PTPRD: variants seen among roughly 807,000 people sequenced by gnomAD.
The protein encoded by PTPRD is protein tyrosine phosphatase receptor type D, also known as receptor-type tyrosine-protein phosphatase delta.
Under a neutral mutation model 214.5 loss-of-function variants are expected in PTPRD, and 34 were observed. That is an observed-to-expected ratio of 0.16 (90% CI 0.12 to 0.21). The LOEUF (loss-of-function observed/expected upper bound fraction) is 0.21, where lower values mean the gene tolerates loss of function less well. Ranked by LOEUF, PTPRD falls within the 10% of genes least tolerant of loss-of-function variation. The pLI is 1.00. For synonymous variants in PTPRD, 1,128 were observed against 845.7 expected (o/e 1.33, Z -5.79); for missense variants, 2,545 against 2,398.7 (o/e 1.06, Z -1.27).
intron 2 of PTPRD, among the ~76,000 whole-genome samples, chr9:10,396,743 T>C (rs1354197544): frequency 1.3e-5 from 2 of 152,032 alleles, no homozygotes; most frequent in Admixed American, 6.6e-5. Context: ...TACATAACAA[T>C]TGCCTGTAAT....
chr9:8,742,212 T>C (rs888978866), intron 11 of PTPRD, among the ~76,000 whole-genome samples: 2 of 152,168 alleles, frequency 1.3e-5, no homozygotes, highest in South Asian at 2.1e-4. Flanking sequence ...CTAATAGTAA[T>C]GTATGATTTG....
At chr9:9,172,846 G>A (rs74367479) in intron 10 of PTPRD, among the ~76,000 whole-genome samples, 2,000 of 152,110 alleles carry the variant, frequency 0.013, 49 homozygotes, top group African/African-American at 0.046. Flanking sequence ...CCTGCACCTG[G>A]CACTGTTTTT....
chr9:10,434,529 C>G (rs1328298527), intron 2 of PTPRD, among the ~76,000 whole-genome samples: 2 of 151,824 alleles, frequency 1.3e-5, no homozygotes, highest in Non-Finnish European at 2.9e-5. Flanking sequence ...ATCAGACATT[C>G]TTTCTCTTAA....
chr9:9,838,171 T>A (rs1469324971), intron 5 of PTPRD, among the ~76,000 whole-genome samples: 11 of 152,076 alleles, frequency 7.2e-5, no homozygotes, highest in Non-Finnish European at 1.6e-4. Flanking sequence ...TCTATCATTG[T>A]TGGACATTTG....
chr9:9,057,231 T>C (rs563836137), intron 10 of PTPRD, among the ~76,000 whole-genome samples: 1 of 152,314 alleles, frequency 6.6e-6, no homozygotes, highest in East Asian at 1.9e-4. Context: ...ATTCAAAAGA[T>C]TACTCTGCCA....
chr9:9,374,954 T>A (rs2060402885), intron 9 of PTPRD, among the ~76,000 whole-genome samples: 1 of 152,200 alleles, frequency 6.6e-6, no homozygotes, highest in Non-Finnish European at 1.5e-5. Flanking sequence ...TATAAAAGAC[T>A]TTTTAAAGAA....
intron 37 of PTPRD, among the ~76,000 whole-genome samples, chr9:8,383,317 G>A (rs925739111): frequency 6.6e-6 from 1 of 152,184 alleles, no homozygotes. Context: ...AGGAGGAGGA[G>A]TGAGTGGTCA....
chr9:9,157,186 T>G (rs2099881953), intron 10 of PTPRD, among the ~76,000 whole-genome samples: 1 of 151,826 alleles, frequency 6.6e-6, no homozygotes, highest in South Asian at 2.1e-4. Context: ...AGACGAAATA[T>G]CTCAAATAAA....
intron 9 of PTPRD, among the ~76,000 whole-genome samples, chr9:9,351,523 T>C (rs1233073444): frequency 6.6e-6 from 1 of 152,000 alleles, no homozygotes; most frequent in Non-Finnish European, 1.5e-5. Flanking sequence ...CACGTGAACC[T>C]TCCTAGGTGG....
At chr9:8,911,664 G>A (rs1198924060) in intron 11 of PTPRD, among the ~76,000 whole-genome samples, 1 of 151,904 alleles carries the variant, frequency 6.6e-6, no homozygotes, top group Non-Finnish European at 1.5e-5. Flanking sequence ...TTTTTAAAAA[G>A]CAATAGGTGA....
At chr9:9,283,206 G>C (rs1005698688) in intron 9 of PTPRD, among the ~76,000 whole-genome samples, 5 of 151,442 alleles carry the variant, frequency 3.3e-5, no homozygotes, top group South Asian at 2.1e-4. Context: ...GTGAAGATGA[G>C]GTACAAAACT....
chr9:8,758,756 A>G (rs2094197090), intron 11 of PTPRD, among the ~76,000 whole-genome samples: 2 of 150,570 alleles, frequency 1.3e-5, no homozygotes, highest in African/African-American at 4.9e-5. Flanking sequence ...ATATTAGAAA[A>G]TAACCTTTTT....
intron 9 of PTPRD, among the ~76,000 whole-genome samples, chr9:9,332,349 T>G (rs1198922111): frequency 6.6e-6 from 1 of 151,970 alleles, no homozygotes; most frequent in Admixed American, 6.6e-5. Flanking sequence ...AAAAAATATT[T>G]ATCCCTCAGA....
At chr9:8,926,429 A>G (rs1006522213) in intron 11 of PTPRD, among the ~76,000 whole-genome samples, 9 of 152,178 alleles carry the variant, frequency 5.9e-5, no homozygotes, top group African/African-American at 2.2e-4. Context: ...AGTAAATTTT[A>G]TCTCGTAGAG....
chr9:9,645,319 G>C (rs927846962), intron 7 of PTPRD, among the ~76,000 whole-genome samples: 11 of 152,088 alleles, frequency 7.2e-5, no homozygotes, highest in African/African-American at 2.2e-4. Flanking sequence ...AGTTGCTCTA[G>C]AGACAAAATG....
rs542413425 is a variant in PTPRD at position 9,519,026 on chromosome 9, G to C, written c.-237+55706C>G. On this transcript the variant is annotated intron_variant, in intron 8 of 45. Coordinates refer to ENST00000381196, the MANE Select transcript of PTPRD (RefSeq NM_002839.4). ...AGAATTGAAATAAAATATAATTACA[G>C]TATGTTAATCTAGATATAAATAGAC... is the stretch of plus-strand genomic sequence containing the variant. Among the ~76,000 whole-genome samples the C allele has an allele frequency of 3.4e-4, 52 of 151,982 alleles. No homozygotes were observed. In the South Asian group the frequency reaches 9.1e-3, roughly 27 times the overall value.
intron 22 of PTPRD, among the ~76,000 whole-genome samples, chr9:8,505,814 G>C (rs1398253890): frequency 6.6e-6 from 1 of 151,992 alleles, no homozygotes; most frequent in African/African-American, 2.4e-5. Flanking sequence ...CAACATTTAA[G>C]CATCACAATT....
intron 11 of PTPRD, among the ~76,000 whole-genome samples, chr9:8,809,654 A>C (rs777880608): frequency 1.3e-5 from 2 of 152,176 alleles, no homozygotes; most frequent in Non-Finnish European, 2.9e-5. Context: ...CCAGGTGTTA[A>C]CTACATCTTA....
At chr9:8,952,470 T>C (rs373263237) in intron 11 of PTPRD, among the ~76,000 whole-genome samples, 8 of 152,018 alleles carry the variant, frequency 5.3e-5, no homozygotes, top group African/African-American at 1.9e-4. Flanking sequence ...TAACTATAAA[T>C]GTTGGGCTGA....
Sources: gnomAD v4.1 joint callset for allele counts (sites outside exome capture counted in the v4.1 genomes callset) on GRCh38, gnomAD v4.1.1 for gene constraint, MANE v1.5 for transcripts, NCBI Gene and HGNC (gene_info 2026-07-23, HGNC 2026-07-21) for gene names.